Variants in BCAT1 observed in about 807,000 individuals in gnomAD.
BCAT1 encodes the protein branched chain amino acid transaminase 1, also known as branched-chain-amino-acid aminotransferase, cytosolic.
In BCAT1, 48 loss-of-function variants were observed where a neutral mutation model predicts 52.4. The observed-to-expected ratio is 0.92, with a 90% CI of 0.73 to 1.16. The LOEUF is 1.16. BCAT1 is among the 50% of genes most tolerant of loss of function. The probability of loss-of-function intolerance (pLI) is 0.00; values close to 1 mark genes in which losing one functional copy is unlikely to be tolerated. For synonymous variants in BCAT1, 167 were observed against 161.3 expected (o/e 1.04, Z -0.27); for missense variants, 451 against 457.1 (o/e 0.99, Z 0.12).
At chr12:24,841,560 G>A (rs963595405) in intron 7 of BCAT1, among the ~76,000 whole-genome samples, 2 of 152,080 alleles carry the variant, frequency 1.3e-5, no homozygotes, top group African/African-American at 4.8e-5. Context: ...AGTACATCTA[G>A]AGCCAGAAAA....
At chr12:24,907,697 C>T (rs1943248377) in intron 1 of BCAT1, among the ~76,000 whole-genome samples, 1 of 152,192 alleles carries the variant, frequency 6.6e-6, no homozygotes, top group Non-Finnish European at 1.5e-5. Context: ...ATATCCTTCC[C>T]TGCCCTTAAG....
intron 2 of BCAT1, among the ~76,000 whole-genome samples, chr12:24,899,972 C>T (rs964354334): frequency 1.3e-5 from 2 of 151,724 alleles, no homozygotes; most frequent in Non-Finnish European, 2.9e-5. Context: ...TAGATAGAAG[C>T]GATAAAGTCT....
chr12:24,908,877 A>G (rs1943269101), intron 1 of BCAT1, among the ~76,000 whole-genome samples: 1 of 152,208 alleles, frequency 6.6e-6, no homozygotes, highest in Admixed American at 6.5e-5. Context: ...TATAAGCCCT[A>G]TGACTTTTGG....
At position 24,887,096 on chromosome 12, in the gene BCAT1, T is replaced by A. The variant is rs1353631566; in HGVS notation, c.280-5685A>T. 9.6e-3 allele frequency among the ~76,000 whole-genome samples: 906 copies of A among 94,760 alleles called. 13 individuals carry two copies. Among genetic ancestry groups the A allele is most frequent in the Non-Finnish European group, 0.014 (747 of 51,956 alleles). The allele number at this position is 94,760 out of a possible 152,430, so 62.2% of individuals were successfully genotyped here. A position where few individuals can be genotyped will look rare whatever the true frequency, so the allele number is the denominator to read the frequency against. On this transcript the variant is annotated intron_variant, in intron 3 of 10. Coordinates refer to ENST00000261192, the MANE Select transcript of BCAT1 (RefSeq NM_005504.7). ...AAAAAAAAAAATATATATATATATA[T>A]ATATATATATATATAAAGCTGATAA...
At chr12:24,855,180 T>G (rs1191396971) in intron 5 of BCAT1, among the ~76,000 whole-genome samples, 4 of 152,088 alleles carry the variant, frequency 2.6e-5, no homozygotes, top group Non-Finnish European at 4.4e-5. Flanking sequence ...TCTTAACAGA[T>G]GTTCCAGAGT....
In BCAT1 at chr12:24,812,018, G is replaced by C. The variant is rs1281684328; in HGVS notation, c.*5990C>G. On this transcript the variant is annotated 3_prime_UTR_variant, in exon 11 of 11. Coordinates refer to ENST00000261192, the MANE Select transcript of BCAT1 (RefSeq NM_005504.7). ...TAGGTATATTGTGGGATTATTCCTT[G>C]TTAAGTCACCCCAGGAAACATTTGC... 2 of 152,086 alleles carry C rather than the reference G, an allele frequency of 1.3e-5. No homozygotes were observed. Among genetic ancestry groups the C allele is most frequent in the Non-Finnish European group, 2.9e-5 (2 of 67,962 alleles). 9.4% of individuals were successfully genotyped at this position (152,086 alleles called of 1,614,324 possible). A position where few individuals can be genotyped will look rare whatever the true frequency, so the allele number is the denominator to read the frequency against.
rs745838595 is a variant in BCAT1, at chr12:24,881,346, G to A, written c.345C>T (p.Leu115=). Residue 115 remains leucine, a synonymous_variant, in exon 4 of 11, where the codon CTC becomes CTT. Coordinates refer to ENST00000261192, the MANE Select transcript of BCAT1 (RefSeq NM_005504.7). ...DNKIRLFQPN[L]NMDRMYRSAV... is the part of the protein sequence containing the mutation. ...CAGAGCGATACATTCTATCCATGTT[G>A]AGGTTTGGCTGAAACAGTCGAATTT... 7 of 1,613,492 alleles carry A rather than the reference G, an allele frequency of 4.3e-6. No individual in the cohort carries two copies. Among genetic ancestry groups the A allele is most frequent in the Non-Finnish European group, 4.2e-6 (5 of 1,179,446 alleles).
intron 4 of BCAT1, 88 bp downstream of exon 4, chr12:24,881,213 T>C: frequency 1.1e-6 from 1 of 924,506 alleles, no homozygotes. Flanking sequence ...AATATTTATC[T>C]AACTATTCAG....
At chr12:24,823,241 T>C (rs1352792452) in intron 10 of BCAT1, among the ~76,000 whole-genome samples, 1 of 151,730 alleles carries the variant, frequency 6.6e-6, no homozygotes, top group South Asian at 2.1e-4. Flanking sequence ...TTTGTTTGTT[T>C]GTTTGCATTT....
rs947974645 is a variant in BCAT1 at position 24,847,290 on chromosome 12, A to G, written c.674+2496T>C. Among the ~76,000 whole-genome samples, 3 of 152,150 alleles carry G rather than the reference A, an allele frequency of 2.0e-5. No individual in the cohort carries two copies. The East Asian group carries it at 5.8e-4, about 29-fold the overall frequency. On this transcript the variant is annotated intron_variant, in intron 6 of 10. Transcript: ENST00000261192. ...TCCCATATCCCTTTCTCCCCATCCA[A>G]ATGAATAGTTTCTACCATTACCAAT...
At chr12:24,877,380 A>G (rs1467584849) in intron 5 of BCAT1, among the ~76,000 whole-genome samples, 1 of 152,232 alleles carries the variant, frequency 6.6e-6, no homozygotes, top group Non-Finnish European at 1.5e-5. Context: ...TGCCTAGCAG[A>G]TACCAGAGAC....
At chr12:24,886,101 C>T (rs1026294717) in intron 3 of BCAT1, among the ~76,000 whole-genome samples, 1 of 152,142 alleles carries the variant, frequency 6.6e-6, no homozygotes, top group African/African-American at 2.4e-5. Flanking sequence ...CAAATAAGAA[C>T]ATATTTAGCA....
intron 5 of BCAT1, among the ~76,000 whole-genome samples, chr12:24,871,865 G>A (rs997094733): frequency 3.9e-5 from 6 of 152,050 alleles, no homozygotes; most frequent in African/African-American, 1.4e-4. Context: ...AAACAGACTC[G>A]ATGTCTTAAG....
intron 1 of BCAT1, among the ~76,000 whole-genome samples, chr12:24,925,779 AC>A (rs777668217): frequency 2.6e-5 from 4 of 152,084 alleles, no homozygotes; most frequent in Non-Finnish European, 4.4e-5. Flanking sequence ...TTTGGTGGAG[AC>A]GGGGTTTCGC....
At position 24,829,906 on chromosome 12, in the gene BCAT1, GA is replaced by G; in HGVS notation, c.1045-10del. 6.3e-7 allele frequency: 1 copy of G among 1,596,294 alleles called. No homozygotes were observed. The highest frequency in any genetic ancestry group is 8.6e-7 in the Non-Finnish European group (1 of 1,169,536). Reference sequence around the variant, plus strand: ...GTTGGAATGTGTATTGTCTACAAAAGAAAGGGAAATGAGATAATTTGAGGGT... The same window carrying G: ...GTTGGAATGTGTATTGTCTACAAAAGAAGGGAAATGAGATAATTTGAGGGT... On this transcript the variant is annotated splice_polypyrimidine_tract_variant and intron_variant, in intron 9 of 10. Coordinates refer to ENST00000261192, the MANE Select transcript of BCAT1 (RefSeq NM_005504.7).
chr12:24,936,499 C>T (rs1003047846), intron 1 of BCAT1, among the ~76,000 whole-genome samples: 1 of 152,182 alleles, frequency 6.6e-6, no homozygotes, highest in Non-Finnish European at 1.5e-5. Context: ...TCCCAAAGTG[C>T]TGGAATTACA....
rs369211189 is a variant in BCAT1, at chr12:24,813,147, A to T, written c.*4861T>A. The T allele has an allele frequency of 4.6e-5, 7 of 152,090 alleles. No individual in the cohort carries two copies. Among genetic ancestry groups the T allele is most frequent in the East Asian group, 3.9e-4 (2 of 5,180 alleles). 9.4% of individuals were successfully genotyped at this position (152,090 alleles called of 1,614,324 possible). ...GTTTATATATGTCTGACCCCAGGAA[A>T]TTATTTACCCACAAACACTACTATA... is the stretch of plus-strand genomic sequence containing the variant. On this transcript the variant is annotated 3_prime_UTR_variant, in exon 11 of 11. Coordinates refer to ENST00000261192, the MANE Select transcript of BCAT1 (RefSeq NM_005504.7).
At chr12:24,856,671 T>C (rs552741903) in intron 5 of BCAT1, among the ~76,000 whole-genome samples, 1 of 152,314 alleles carries the variant, frequency 6.6e-6, no homozygotes, top group African/African-American at 2.4e-5. Context: ...CTTGGACTTC[T>C]AGACTTTGGA....
chr12:24,926,878 C>A (rs1943597301), intron 1 of BCAT1, among the ~76,000 whole-genome samples: 1 of 152,026 alleles, frequency 6.6e-6, no homozygotes, highest in South Asian at 2.1e-4. Context: ...ACTCGTTTAT[C>A]TGCTGACCTT....
Sources: allele counts gnomAD v4.1 joint callset (sites outside exome capture counted in the v4.1 genomes callset), GRCh38; gene constraint gnomAD v4.1.1; transcripts MANE v1.5; gene names NCBI Gene and HGNC (gene_info 2026-07-23, HGNC 2026-07-21).